The following VWC2 variants were observed in gnomAD, a reference collection of about 807,000 sequenced individuals.
VWC2 encodes the protein von Willebrand factor C domain containing 2.
VWC2 carries 14 observed loss-of-function variants against 29.8 expected under a neutral mutation model. The observed-to-expected ratio is 0.47, with a 90% CI of 0.31 to 0.74. The LOEUF (loss-of-function observed/expected upper bound fraction) is 0.74. Ranked by LOEUF, VWC2 falls within the 30% of genes least tolerant of loss-of-function variation. VWC2 has a pLI of 0.05. For missense variants in VWC2, 457 were observed against 459.8 expected (o/e 0.99, Z 0.05); for synonymous variants, 213 against 199.0 (o/e 1.07, Z -0.59).
intron 3 of VWC2, among the ~76,000 whole-genome samples, chr7:49,818,205 C>G (rs1017139074): frequency 1.3e-5 from 2 of 152,148 alleles, no homozygotes; most frequent in Non-Finnish European, 2.9e-5. Context: ...ATTCCTATTA[C>G]TTAAGTATTC....
intron 3 of VWC2, among the ~76,000 whole-genome samples, chr7:49,849,357 T>C (rs550178637): frequency 6.6e-6 from 1 of 152,328 alleles, no homozygotes; most frequent in Non-Finnish European, 1.5e-5. Context: ...GGAAATTAGA[T>C]GGCTAAGAAG....
chr7:49,864,329 C>T (rs190794150), intron 3 of VWC2, among the ~76,000 whole-genome samples: 1 of 152,260 alleles, frequency 6.6e-6, no homozygotes, highest in East Asian at 1.9e-4. Flanking sequence ...GTGCTTGGAC[C>T]TTCCTTCACC....
At chr7:49,812,059 G>C (rs941864780) in intron 3 of VWC2, among the ~76,000 whole-genome samples, 1 of 152,112 alleles carries the variant, frequency 6.6e-6, no homozygotes, top group Admixed American at 6.5e-5. Context: ...TGTTGCAAAA[G>C]ATTACATATT....
intron 3 of VWC2, among the ~76,000 whole-genome samples, chr7:49,821,638 A>C (rs1583650727): frequency 6.6e-6 from 1 of 152,166 alleles, no homozygotes; most frequent in African/African-American, 2.4e-5. Context: ...CAAAGTTAGT[A>C]ATTAAAAACA....
chr7:49,896,204 G>T (rs1265913979), intron 3 of VWC2, among the ~76,000 whole-genome samples: 1 of 152,104 alleles, frequency 6.6e-6, no homozygotes, highest in Non-Finnish European at 1.5e-5. Context: ...AGTCAGGTTT[G>T]GTGGTGCATG....
intron 3 of VWC2, among the ~76,000 whole-genome samples, chr7:49,805,928 TG>T (rs2128706513): frequency 6.6e-6 from 1 of 152,354 alleles, no homozygotes; most frequent in Admixed American, 6.5e-5. Flanking sequence ...CAAAGTCACT[TG>T]CATCAAAGGA....
chr7:49,880,888 G>A (rs908936604), intron 3 of VWC2, among the ~76,000 whole-genome samples: 2 of 152,078 alleles, frequency 1.3e-5, no homozygotes, highest in Non-Finnish European at 2.9e-5. Flanking sequence ...AGGATTAAAG[G>A]TTCTCTTACA....
rs964363308 is a variant in VWC2 at position 49,918,959 on chromosome 7, G to A, written c.*6774G>A. ...GCCTGTAATCTACTCGGGAGGCTGA[G>A]GCAGGAGAATCCCTTAAACCGAGGG... is the stretch of plus-strand genomic sequence containing the variant. On this transcript the variant is annotated 3_prime_UTR_variant, in exon 4 of 4. Transcript: ENST00000340652. 7.2e-5 allele frequency: 11 copies of A among 152,180 alleles called. No homozygotes were observed. The highest frequency in any genetic ancestry group is 2.4e-4 in the African/African-American group (10 of 41,492). 9.4% of individuals were successfully genotyped at this position (152,180 alleles called of 1,614,324 possible).
chr7:49,893,967 G>A (rs1792255592), intron 3 of VWC2, among the ~76,000 whole-genome samples: 1 of 152,164 alleles, frequency 6.6e-6, no homozygotes, highest in South Asian at 2.1e-4. Context: ...ACCCTGCTGG[G>A]CTCTCACTGC....
At chr7:49,840,176 A>G (rs925531350) in intron 3 of VWC2, among the ~76,000 whole-genome samples, 2 of 152,102 alleles carry the variant, frequency 1.3e-5, no homozygotes, top group Non-Finnish European at 2.9e-5. Flanking sequence ...GGTAGAGAAA[A>G]CCTAGGAAGC....
chr7:49,858,667 C>T (rs1332256444), intron 3 of VWC2, among the ~76,000 whole-genome samples: 1 of 151,368 alleles, frequency 6.6e-6, no homozygotes, highest in Non-Finnish European at 1.5e-5. Flanking sequence ...AACAAACCTG[C>T]GTTGTGCACA....
In VWC2 at chr7:49,788,014, C is replaced by A. The variant is rs148423511; in HGVS notation, c.696+11883C>A. 7.1e-4 allele frequency among the ~76,000 whole-genome samples: 108 copies of A among 152,274 alleles called. 1 individual carries two copies. In the East Asian group the frequency reaches 0.02, roughly 28 times the overall value. ...CACTGCTGTGTCTTCTCCACCAGAGCTTAAAACTCCATGGAAAGGGACTTC... is the reference window on the plus strand; with the variant it reads ...CACTGCTGTGTCTTCTCCACCAGAGATTAAAACTCCATGGAAAGGGACTTC... On this transcript the variant is annotated intron_variant, in intron 2 of 3. Coordinates refer to ENST00000340652, the MANE Select transcript of VWC2 (RefSeq NM_198570.5).
At chr7:49,812,698 G>A (rs542338821) in intron 3 of VWC2, among the ~76,000 whole-genome samples, 1 of 152,198 alleles carries the variant, frequency 6.6e-6, no homozygotes, top group Admixed American at 6.5e-5. Flanking sequence ...GCAAAGTGGA[G>A]AAGTCACCTG....
intron 3 of VWC2, among the ~76,000 whole-genome samples, chr7:49,865,615 A>G (rs1053828000): frequency 3.3e-5 from 5 of 152,210 alleles, no homozygotes; most frequent in Non-Finnish European, 5.9e-5. Flanking sequence ...TCCAATATGC[A>G]AGTATTTTTG....
At chr7:49,893,137 C>G (rs1583770999) in intron 3 of VWC2, among the ~76,000 whole-genome samples, 1 of 152,238 alleles carries the variant, frequency 6.6e-6, no homozygotes, top group East Asian at 1.9e-4. Flanking sequence ...ATACTTTAGC[C>G]TTTAAAAATG....
intron 3 of VWC2, among the ~76,000 whole-genome samples, chr7:49,814,972 C>G (rs1034688676): frequency 1.4e-4 from 21 of 152,172 alleles, no homozygotes; most frequent in African/African-American, 4.8e-4. Flanking sequence ...CCATTGTATT[C>G]TTATGCCATT....
At chr7:49,809,224 T>G (rs1368736511) in intron 3 of VWC2, among the ~76,000 whole-genome samples, 3 of 151,860 alleles carry the variant, frequency 2.0e-5, no homozygotes, top group Non-Finnish European at 4.4e-5. Context: ...AAAATGAAAA[T>G]GATTACAAGG....
intron 3 of VWC2, among the ~76,000 whole-genome samples, chr7:49,844,980 G>A (rs1376297746): frequency 6.6e-6 from 1 of 152,152 alleles, no homozygotes; most frequent in Non-Finnish European, 1.5e-5. Context: ...ACCGCACCCG[G>A]CCGGCAATTC....
In VWC2 at chr7:49,914,127, TGTC is replaced by T. The variant is rs1437953993; in HGVS notation, c.*1945_*1947del. ...TGTTTGAGACACAGTTATTTAAAGT[TGTC>T]GTTTTGCTAATAAATGGCCCTAGCC... On this transcript the variant is annotated 3_prime_UTR_variant, in exon 4 of 4. Transcript: ENST00000340652. 1 of 152,240 alleles carries T rather than the reference TGTC, an allele frequency of 6.6e-6. No individual in the cohort carries two copies. The highest frequency in any genetic ancestry group is 1.5e-5 in the Non-Finnish European group (1 of 68,044). 9.4% of individuals were successfully genotyped at this position (152,240 alleles called of 1,614,324 possible).
Sources: allele counts gnomAD v4.1 joint callset (sites outside exome capture counted in the v4.1 genomes callset), GRCh38; gene constraint gnomAD v4.1.1; transcripts MANE v1.5; gene names NCBI Gene and HGNC (gene_info 2026-07-23, HGNC 2026-07-21).